WDR7: variants seen among roughly 807,000 people sequenced by gnomAD.
WDR7 encodes WD repeat-containing protein 7.
In WDR7, 46 loss-of-function variants were observed where a neutral mutation model predicts 169.4. That is an observed-to-expected ratio of 0.27 (90% CI 0.21 to 0.35). WDR7 has a LOEUF of 0.35. WDR7 is among the 10% of genes least tolerant of loss of function. The pLI is 1.00. For missense variants in WDR7, 1,534 were observed against 1,859.3 expected, an observed-to-expected ratio of 0.83 and a Z score of 3.22; for synonymous variants, 612 against 666.8, an observed-to-expected ratio of 0.92 and a Z score of 1.27.
At chr18:56,822,292 C>T (rs2045113271) in intron 20 of WDR7, among the ~76,000 whole-genome samples, 2 of 152,018 alleles carry the variant, frequency 1.3e-5, no homozygotes, top group Admixed American at 6.5e-5. Flanking sequence ...ATTGTTGTGT[C>T]CAGCTTTTTG....
intron 1 of WDR7, among the ~76,000 whole-genome samples, chr18:56,654,937 A>C (rs892474240): frequency 6.6e-6 from 1 of 152,104 alleles, no homozygotes; most frequent in Non-Finnish European, 1.5e-5. Flanking sequence ...ATGGTGTCAC[A>C]CTGTGTATTA....
chr18:56,939,373 A>C lies in WDR7; in HGVS notation c.4044A>C (p.Glu1348Asp). Residue 1348 changes from glutamate to aspartate, a missense_variant, in exon 25 of 28, where the codon GAA becomes GAC. Physicochemically the swap from Glu to Asp is conservative, Grantham distance 45 (BLOSUM62 2). Coordinates refer to ENST00000254442, the MANE Select transcript of WDR7 (RefSeq NM_015285.3). ...TAGTTAAAAAGAAAGGTCTTCAAGA[A>C]TGTTTCCCAGCCATCTGCAGGTAAA... ...GSLVKKKGLQECFPAICRFYM... is the reference protein window; with the variant it reads ...GSLVKKKGLQDCFPAICRFYM... The C allele has an allele frequency of 1.3e-6, 2 of 1,577,524 alleles. No individual in the cohort carries two copies. Among genetic ancestry groups the C allele is most frequent in the Non-Finnish European group, 1.7e-6 (2 of 1,159,920 alleles).
At chr18:56,680,797 G>A (rs2025337360) in intron 3 of WDR7, among the ~76,000 whole-genome samples, 2 of 152,080 alleles carry the variant, frequency 1.3e-5, no homozygotes, top group South Asian at 4.1e-4. Flanking sequence ...TTTAACTTTT[G>A]TTTTTTGCAG....
At chr18:56,828,567 A>C (rs2045252593) in intron 20 of WDR7, among the ~76,000 whole-genome samples, 1 of 152,180 alleles carries the variant, frequency 6.6e-6, no homozygotes, top group African/African-American at 2.4e-5. Context: ...TTAAAATATT[A>C]AATATTAATT....
chr18:56,970,826 T>C (rs2047473619), intron 26 of WDR7, among the ~76,000 whole-genome samples: 1 of 152,356 alleles, frequency 6.6e-6, no homozygotes, highest in African/African-American at 2.4e-5. Flanking sequence ...TTTATGAATA[T>C]TTGGTTTTTT....
At chr18:56,820,237 TC>T (rs1297437387) in intron 20 of WDR7, among the ~76,000 whole-genome samples, 1 of 150,602 alleles carries the variant, frequency 6.6e-6, no homozygotes, top group Non-Finnish European at 1.5e-5. Flanking sequence ...GTTCCTATAT[TC>T]TTCTGAGGGT....
intron 20 of WDR7, among the ~76,000 whole-genome samples, chr18:56,825,079 C>G (rs2045174712): frequency 6.6e-6 from 1 of 152,104 alleles, no homozygotes; most frequent in Non-Finnish European, 1.5e-5. Context: ...TCTGGGAATC[C>G]CTATTTGGTT....
chr18:56,863,535 A>G (rs1012333724), intron 20 of WDR7, among the ~76,000 whole-genome samples: 1 of 151,700 alleles, frequency 6.6e-6, no homozygotes, highest in Non-Finnish European at 1.5e-5. Context: ...AAATTATTAT[A>G]GATTATATAT....
chr18:56,749,386 TTGTGTGTGTG>T (rs71863855), intron 14 of WDR7, among the ~76,000 whole-genome samples: 10,151 of 148,678 alleles, frequency 0.068, 418 homozygotes, highest in East Asian at 0.13. Context: ...GTGTGTGTGT[TTGTGTGTGTG>T]TGTGTGTGTG....
intron 21 of WDR7, among the ~76,000 whole-genome samples, chr18:56,895,126 C>T (rs1446764200): frequency 2.0e-5 from 3 of 151,874 alleles, no homozygotes; most frequent in Non-Finnish European, 2.9e-5. Context: ...TTAGCATGGA[C>T]ATTTTAGCAA....
chr18:56,817,157 C>G (rs1407404862), intron 20 of WDR7, among the ~76,000 whole-genome samples: 1 of 151,794 alleles, frequency 6.6e-6, no homozygotes, highest in Non-Finnish European at 1.5e-5. Context: ...CCAGCCTGGC[C>G]AACATGGCAA....
chr18:56,937,410 C>CAAAA (rs35639692), intron 23 of WDR7, among the ~76,000 whole-genome samples: 18,139 of 151,738 alleles, frequency 0.12, 3,447 homozygotes, highest in African/African-American at 0.4. Flanking sequence ...ATAAATGAAA[C>CAAAA]AACACACACA....
intron 21 of WDR7, among the ~76,000 whole-genome samples, chr18:56,910,927 G>T (rs553463979): frequency 6.6e-6 from 1 of 152,086 alleles, no homozygotes; most frequent in Non-Finnish European, 1.5e-5. Flanking sequence ...AAAAGTTATT[G>T]TGTATCCTTT....
intron 13 of WDR7, among the ~76,000 whole-genome samples, chr18:56,728,648 A>G (rs1202921551): frequency 2.6e-5 from 4 of 151,970 alleles, no homozygotes; most frequent in Admixed American, 2.6e-4. Context: ...CCCACTCACC[A>G]TATGGATGCC....
intron 26 of WDR7, among the ~76,000 whole-genome samples, chr18:56,965,504 G>C (rs1430301160): frequency 6.6e-6 from 1 of 151,308 alleles, no homozygotes; most frequent in East Asian, 1.9e-4. Context: ...CAAAACCACA[G>C]GATAAGTATG....
At chr18:56,873,663 C>T (rs949981305) in intron 20 of WDR7, 3 of 152,470 alleles carry the variant, frequency 2.0e-5, no homozygotes, top group East Asian at 1.9e-4. Flanking sequence ...CCTGCAGTCC[C>T]GTGCTCCAGC....
intron 26 of WDR7, among the ~76,000 whole-genome samples, chr18:56,975,044 C>T (rs559079581): frequency 6.8e-4 from 104 of 152,054 alleles, no homozygotes; most frequent in African/African-American, 2.5e-3. Context: ...TCGAGACCAC[C>T]CTGGCTAACA....
chr18:56,791,425 T>C (rs1464697738), intron 19 of WDR7, among the ~76,000 whole-genome samples: 1 of 152,202 alleles, frequency 6.6e-6, no homozygotes, highest in Non-Finnish European at 1.5e-5. Flanking sequence ...TCTTTATATC[T>C]TGGATATGAA....
At chr18:56,734,637 G>A (rs1428433367) in intron 14 of WDR7, among the ~76,000 whole-genome samples, 2 of 151,488 alleles carry the variant, frequency 1.3e-5, no homozygotes, top group Non-Finnish European at 2.9e-5. Flanking sequence ...GGACAGTGAA[G>A]CCATTACCAA....
Sources: allele counts gnomAD v4.1 joint callset (sites outside exome capture counted in the v4.1 genomes callset), GRCh38; gene constraint gnomAD v4.1.1; transcripts MANE v1.5; gene names NCBI Gene and HGNC (gene_info 2026-07-23, HGNC 2026-07-21).